PTPRG: variants seen among roughly 807,000 people sequenced by gnomAD.
The protein encoded by PTPRG is protein tyrosine phosphatase receptor type G, also known as receptor-type tyrosine-protein phosphatase gamma.
A neutral mutation model predicts 165.3 loss-of-function variants in PTPRG; 102 were observed. That is an observed-to-expected ratio of 0.62 (90% CI 0.53 to 0.73). PTPRG has a LOEUF of 0.73. Ranked by LOEUF, PTPRG falls within the 30% of genes least tolerant of loss-of-function variation. PTPRG has a pLI of 0.00. For synonymous variants in PTPRG, 675 were observed against 669.5 expected (o/e 1.01, Z -0.13); for missense variants, 1,866 against 1,861.4 (o/e 1.00, Z -0.05).
intron 2 of PTPRG, among the ~76,000 whole-genome samples, chr3:61,908,412 A>G (rs946537778): frequency 1.4e-5 from 1 of 70,890 alleles, no homozygotes; most frequent in African/African-American, 9.3e-5. Context: ...GCAACAGAGC[A>G]AAAAAAAAAA....
chr3:61,804,464 A>G lies in PTPRG; in HGVS notation c.190+55482A>G, dbSNP rs576141912. Among the ~76,000 whole-genome samples the G allele has an allele frequency of 1.4e-3, 217 of 152,320 alleles. 1 individual carries two copies. The highest frequency in any genetic ancestry group is 1.3e-3 in the Admixed American group (20 of 15,304). ...GGCTTGGTTTGCTTTTATATCCCCA[A>G]ATGGAACCGGAACCTTCTTTATTCC... On this transcript the variant is annotated intron_variant, in intron 2 of 29. Transcript: ENST00000474889.
intron 2 of PTPRG, among the ~76,000 whole-genome samples, chr3:61,832,189 G>T (rs1188493705): frequency 6.6e-6 from 1 of 152,164 alleles, no homozygotes; most frequent in African/African-American, 2.4e-5. Flanking sequence ...GCTGTAATGG[G>T]CACATTCTCC....
intron 2 of PTPRG, among the ~76,000 whole-genome samples, chr3:61,935,413 C>T (rs1180348815): frequency 1.3e-5 from 2 of 152,084 alleles, no homozygotes; most frequent in Admixed American, 1.3e-4. Context: ...AAATTACGCA[C>T]GTGCACACAT....
chr3:61,964,150 T>A (rs2040216443), intron 2 of PTPRG, among the ~76,000 whole-genome samples: 2 of 152,198 alleles, frequency 1.3e-5, no homozygotes, highest in African/African-American at 4.8e-5. Flanking sequence ...AGCACAATGG[T>A]TAATGTGTTA....
At chr3:61,837,368 T>A (rs968147605) in intron 2 of PTPRG, among the ~76,000 whole-genome samples, 1 of 152,210 alleles carries the variant, frequency 6.6e-6, no homozygotes, top group African/African-American at 2.4e-5. Context: ...CTTTTTCATC[T>A]TTAGATCTTG....
At chr3:61,900,568 A>C (rs1056070514) in intron 2 of PTPRG, among the ~76,000 whole-genome samples, 18 of 152,132 alleles carry the variant, frequency 1.2e-4, no homozygotes, top group African/African-American at 2.9e-4. Flanking sequence ...CTCCTCTTCA[A>C]ATCTGCTGCA....
In PTPRG at chr3:62,203,593, GAGA is replaced by G. The variant is rs938330862; in HGVS notation, c.1801_1803del (p.Lys601del). On this transcript the variant is annotated inframe_deletion, in exon 12 of 30. Coordinates refer to ENST00000474889, the MANE Select transcript of PTPRG (RefSeq NM_002841.4). The surrounding 1 kb of genome is among the most constrained non-coding windows in gnomAD (Gnocchi z 6.4). ...GGAGCGGGAGCACGAGGAGGATGGAGAGAAGGACTCCGAAAAGAAGGAGAAGAG... is the reference window on the plus strand; with the variant it reads ...GGAGCGGGAGCACGAGGAGGATGGAGAGGACTCCGAAAAGAAGGAGAAGAG... 1.3e-6 allele frequency: 2 copies of G among 1,552,612 alleles called. No homozygotes were observed. The highest frequency in any genetic ancestry group is 2.7e-5 in the African/African-American group (2 of 73,128).
intron 2 of PTPRG, among the ~76,000 whole-genome samples, chr3:61,821,105 A>C (rs2107255587): frequency 6.6e-6 from 1 of 152,198 alleles, no homozygotes; most frequent in South Asian, 2.1e-4. Context: ...TTTTTCAATA[A>C]TAAAAACAGC....
At chr3:61,828,271 A>G (rs895577530) in intron 2 of PTPRG, among the ~76,000 whole-genome samples, 1 of 152,216 alleles carries the variant, frequency 6.6e-6, no homozygotes, top group African/African-American at 2.4e-5. Flanking sequence ...ATTTTCCTAT[A>G]TGCAGTCAAA....
At chr3:61,660,441 T>C (rs1367289260) in intron 1 of PTPRG, among the ~76,000 whole-genome samples, 3 of 152,180 alleles carry the variant, frequency 2.0e-5, no homozygotes, top group African/African-American at 7.2e-5. Flanking sequence ...AAGCCCTCTC[T>C]GAACAAGAAA....
In PTPRG at chr3:62,208,059, C is replaced by G. The variant is rs74618198; in HGVS notation, c.2155+4109C>G. ...CTGCTTTTTAAAAATGTAGGCCAAA[C>G]TAAACCCATCCCTGGGCCAGGTAGG... is the stretch of plus-strand genomic sequence containing the variant. On this transcript the variant is annotated intron_variant, in intron 12 of 29. Coordinates refer to ENST00000474889, the MANE Select transcript of PTPRG (RefSeq NM_002841.4). 7.7e-3 allele frequency among the ~76,000 whole-genome samples: 1,180 copies of G among 152,304 alleles called. 20 individuals are homozygous for G. The highest frequency in any genetic ancestry group is 0.026 in the African/African-American group (1,097 of 41,572).
At position 62,273,332 on chromosome 3, in the gene PTPRG, G is replaced by C. The variant is rs995916371; in HGVS notation, c.3318+251G>C. Among the ~76,000 whole-genome samples the C allele has an allele frequency of 2.0e-5, 3 of 152,204 alleles. No homozygotes were observed. ...AAGAGATACAGTTGTTTCAAGAGCT[G>C]TGTTAGATGGTAGGGGGAGTTAAAC... On this transcript the variant is annotated intron_variant, in intron 22 of 29. Coordinates refer to ENST00000474889, the MANE Select transcript of PTPRG (RefSeq NM_002841.4). The surrounding 1 kb of genome is among the most constrained non-coding windows in gnomAD (Gnocchi z 4.1).
Position 62,254,969 on chromosome 3 carries a change from T to C in PTPRG, c.2468-155T>C, listed in dbSNP as rs1238730871. 6.6e-6 allele frequency among the ~76,000 whole-genome samples: 1 copy of C among 152,230 alleles called. No homozygotes were observed. Among genetic ancestry groups the C allele is most frequent in the Non-Finnish European group, 1.5e-5 (1 of 68,038 alleles). On this transcript the variant is annotated intron_variant, in intron 15 of 29. Coordinates refer to ENST00000474889, the MANE Select transcript of PTPRG (RefSeq NM_002841.4). The surrounding 1 kb of genome is among the most constrained non-coding windows in gnomAD (Gnocchi z 4.6). ...TGAGATCCTAATGTAAAATAAATTCTGAGACTTTTCTTCAGGACATCTATT... is the reference window on the plus strand; with the variant it reads ...TGAGATCCTAATGTAAAATAAATTCCGAGACTTTTCTTCAGGACATCTATT...
chr3:61,623,184 C>A (rs113922224), intron 1 of PTPRG, among the ~76,000 whole-genome samples: 4 of 152,210 alleles, frequency 2.6e-5, no homozygotes, highest in African/African-American at 9.6e-5. Flanking sequence ...TCGTAAGATA[C>A]CAAACCTTGG....
chr3:62,282,706 C>T (rs1166251236), intron 27 of PTPRG, 21 bp from the exon 28 acceptor site: 2 of 1,594,450 alleles, frequency 1.3e-6, no homozygotes, highest in South Asian at 1.2e-5. Flanking sequence ...AGGGATTTGA[C>T]CCATGTTGTA....
chr3:61,910,040 C>CA (rs1198362169), intron 2 of PTPRG, among the ~76,000 whole-genome samples: 1 of 152,002 alleles, frequency 6.6e-6, no homozygotes, highest in African/African-American at 2.4e-5. Flanking sequence ...CTTTTTTCCC[C>CA]AAAGATGCTG....
At chr3:62,251,212 G>A (rs1185939008) in intron 15 of PTPRG, among the ~76,000 whole-genome samples, 7 of 152,186 alleles carry the variant, frequency 4.6e-5, no homozygotes, top group Non-Finnish European at 1.0e-4. Flanking sequence ...ACAACATAGT[G>A]AGACCCCATC....
intron 4 of PTPRG, among the ~76,000 whole-genome samples, chr3:62,063,573 A>G (rs1401936515): frequency 6.6e-6 from 1 of 152,210 alleles, no homozygotes; most frequent in Non-Finnish European, 1.5e-5. Flanking sequence ...GTGGGAAATT[A>G]TTAGTCTAAA....
At chr3:62,042,786 C>T (rs919021169) in intron 4 of PTPRG, among the ~76,000 whole-genome samples, 9 of 152,132 alleles carry the variant, frequency 5.9e-5, no homozygotes, top group African/African-American at 9.7e-5. Context: ...TTAGGCCCTA[C>T]GAATCCCTGT....
Sources: gnomAD v4.1 joint callset for allele counts (sites outside exome capture counted in the v4.1 genomes callset) on GRCh38, gnomAD v4.1.1 for gene constraint, Gnocchi (gnomAD v3.1) non-coding constraint, MANE v1.5 for transcripts, NCBI Gene and HGNC (gene_info 2026-07-23, HGNC 2026-07-21) for gene names.